The following ADAMTSL1 variants were observed in gnomAD, a reference collection of about 807,000 sequenced individuals.
The protein encoded by ADAMTSL1 is ADAMTS like 1.
In ADAMTSL1, 126 loss-of-function variants were observed where a neutral mutation model predicts 201.8. That is an observed-to-expected ratio of 0.62 (90% CI 0.54 to 0.72). The LOEUF is 0.72. Among genes scored for constraint, ADAMTSL1 ranks in the 30% least tolerant of loss-of-function variants. ADAMTSL1 has a pLI of 0.00. For missense variants in ADAMTSL1, 2,679 were observed against 2,277.8 expected (o/e 1.18, Z -3.59); for synonymous variants, 1,121 against 903.4 (o/e 1.24, Z -4.32).
chr9:18,892,713 G>A, intron 26 of ADAMTSL1, 117 bp downstream of exon 26: 5 of 1,230,800 alleles, frequency 4.1e-6, no homozygotes, highest in Non-Finnish European at 5.6e-6. Flanking sequence ...CATTCTGATT[G>A]GCCAGGCATA....
chr9:18,268,755 A>C (rs1187040144), intron 2 of ADAMTSL1, among the ~76,000 whole-genome samples: 1 of 152,192 alleles, frequency 6.6e-6, no homozygotes, highest in Non-Finnish European at 1.5e-5. Flanking sequence ...TTATTTCAAA[A>C]TAGCATATGG....
intron 2 of ADAMTSL1, among the ~76,000 whole-genome samples, chr9:18,289,159 AT>A (rs1237317404): frequency 1.6e-5 from 2 of 121,410 alleles, no homozygotes; most frequent in East Asian, 2.3e-4. Flanking sequence ...CTATCTATCT[AT>A]CTATCTATCT....
chr9:17,999,468 T>C lies in ADAMTSL1; in HGVS notation c.87+92546T>C, dbSNP rs116527915. 2.3e-3 allele frequency among the ~76,000 whole-genome samples: 350 copies of C among 152,196 alleles called. 3 individuals carry two copies. Among genetic ancestry groups the C allele is most frequent in the African/African-American group, 8.1e-3 (335 of 41,548 alleles). On this transcript the variant is annotated intron_variant, in intron 1 of 29. Coordinates refer to the ADAMTSL1 transcript ENST00000680146. ...GACTTTTGTTGGTCATTGTAGATTTTTGTTATACTTGCAATGAGAAAGATT... is the reference window on the plus strand; with the variant it reads ...GACTTTTGTTGGTCATTGTAGATTTCTGTTATACTTGCAATGAGAAAGATT...
intron 1 of ADAMTSL1, among the ~76,000 whole-genome samples, chr9:17,997,330 G>T (rs1410242568): frequency 6.6e-6 from 1 of 151,972 alleles, no homozygotes; most frequent in African/African-American, 2.4e-5. Context: ...ATTTTACAGT[G>T]CCCAGTTATC....
upstream of ADAMTSL1, among the ~76,000 whole-genome samples, chr9:18,469,815 T>C (rs900049766): frequency 1.3e-5 from 2 of 152,214 alleles, no homozygotes; most frequent in South Asian, 2.1e-4. Flanking sequence ...TTCCGAATTT[T>C]TGTAGTACTT....
rs1229289795 is a variant in ADAMTSL1, at chr9:18,818,313, C to A, written c.3934+1076C>A. ...TCTGCAGAGTAGATAGGCAGTGGCA[C>A]CCCCATGCTTTGGTGGTTGCTTCAT... On this transcript the variant is annotated intron_variant, in intron 21 of 28. Coordinates refer to ENST00000380548, the MANE Select transcript of ADAMTSL1 (RefSeq NM_001040272.6). 6.7e-4 allele frequency among the ~76,000 whole-genome samples: 4 copies of A among 5,992 alleles called. No homozygotes were observed. In the South Asian group the frequency reaches 0.016, roughly 24 times the overall value. 3.9% of individuals were successfully genotyped at this position (5,992 alleles called of 152,430 possible). A position where few individuals can be genotyped will look rare whatever the true frequency, so the allele number is the denominator to read the frequency against.
intron 3 of ADAMTSL1, among the ~76,000 whole-genome samples, chr9:18,559,228 T>C (rs909745226): frequency 6.6e-6 from 1 of 152,224 alleles, no homozygotes; most frequent in African/African-American, 2.4e-5. Flanking sequence ...TGCATATGGC[T>C]AGCCTGTTTT....
chr9:17,970,926 TTATG>T lies in ADAMTSL1; in HGVS notation c.87+64009_87+64012del, dbSNP rs533377291. ...GAGCACAGAAAAAGATTAATTGAAT[TTATG>T]TATGCAATCATAAACATGCTTTACT... On this transcript the variant is annotated intron_variant, in intron 1 of 29. Coordinates refer to the ADAMTSL1 transcript ENST00000680146. Among the ~76,000 whole-genome samples, 750 of 152,216 alleles carry T rather than the reference TTATG, an allele frequency of 4.9e-3. 6 individuals are homozygous for T. The highest frequency in any genetic ancestry group is 0.014 in the Middle Eastern group (4 of 294).
At chr9:18,584,062 G>T (rs905260489) in intron 4 of ADAMTSL1, among the ~76,000 whole-genome samples, 1 of 152,122 alleles carries the variant, frequency 6.6e-6, no homozygotes, top group Admixed American at 6.5e-5. Context: ...AAGGATGATT[G>T]TAATTTGCAA....
chr9:18,207,385 C>G (rs1285115509), intron 2 of ADAMTSL1, among the ~76,000 whole-genome samples: 2 of 152,118 alleles, frequency 1.3e-5, no homozygotes, highest in Non-Finnish European at 2.9e-5. Context: ...AAACCCTAAG[C>G]CTTAGGTTCA....
chr9:18,657,130 A>T (rs376980617), intron 7 of ADAMTSL1, among the ~76,000 whole-genome samples: 3 of 152,316 alleles, frequency 2.0e-5, no homozygotes, highest in East Asian at 1.9e-4. Flanking sequence ...CTAGTTGGTA[A>T]CTTCGCACAC....
intron 4 of ADAMTSL1, among the ~76,000 whole-genome samples, chr9:18,585,249 C>T (rs1823407370): frequency 6.6e-6 from 1 of 152,062 alleles, no homozygotes; most frequent in Admixed American, 6.6e-5. Flanking sequence ...GTTTCTATGG[C>T]TTAATAAAAA....
In ADAMTSL1 at chr9:18,362,572, A is replaced by C. The variant is rs181986180; in HGVS notation, c.208-142257A>C. On this transcript the variant is annotated intron_variant, in intron 2 of 29. Transcript: ENST00000680146. Reference sequence around the variant, plus strand: ...GCATTTTGCTGGCAGTTCACTCTGCATAAGATGAAATGTATAGATTCCAAA... The same window carrying C: ...GCATTTTGCTGGCAGTTCACTCTGCCTAAGATGAAATGTATAGATTCCAAA... Among the ~76,000 whole-genome samples the C allele has an allele frequency of 1.4e-3, 210 of 152,358 alleles. 1 individual carries two copies. Among genetic ancestry groups the C allele is most frequent in the Middle Eastern group, 3.4e-3 (1 of 294 alleles).
chr9:18,238,258 T>C (rs1034538845), intron 2 of ADAMTSL1, among the ~76,000 whole-genome samples: 2 of 152,210 alleles, frequency 1.3e-5, no homozygotes, highest in Non-Finnish European at 2.9e-5. Context: ...AACTGGGTCA[T>C]AGAAATACAG....
chr9:18,686,728 T>C (rs1830864482), intron 13 of ADAMTSL1, among the ~76,000 whole-genome samples: 1 of 152,208 alleles, frequency 6.6e-6, no homozygotes, highest in Admixed American at 6.5e-5. Flanking sequence ...TAATACAAAA[T>C]TGAAAGTAAA....
chr9:18,907,516 C>T (rs1271906548), intron 28 of ADAMTSL1: 1 of 152,412 alleles, frequency 6.6e-6, no homozygotes, highest in East Asian at 1.9e-4. Flanking sequence ...TTTTCTTCCT[C>T]TGAACCCAAA....
intron 2 of ADAMTSL1, among the ~76,000 whole-genome samples, chr9:18,524,900 C>T (rs1045679431): frequency 6.6e-6 from 1 of 152,048 alleles, no homozygotes; most frequent in Non-Finnish European, 1.5e-5. Flanking sequence ...GTCTAAAATT[C>T]TCTCTTTTTG....
intron 2 of ADAMTSL1, among the ~76,000 whole-genome samples, chr9:18,443,699 T>C (rs915152648): frequency 3.3e-5 from 5 of 152,216 alleles, no homozygotes; most frequent in African/African-American, 4.8e-5. Flanking sequence ...GTACTGACTT[T>C]TAGTTTCTCC....
Position 17,940,677 on chromosome 9 carries a change from ATACC to A in ADAMTSL1, c.87+33757_87+33760del, listed in dbSNP as rs2131345025. ...TTGTCTTTTTAATTTTATTATTATTATACCTTAACTTTTAGGGTACATGTGCATA... is the reference window on the plus strand; with the variant it reads ...TTGTCTTTTTAATTTTATTATTATTATTAACTTTTAGGGTACATGTGCATA... On this transcript the variant is annotated intron_variant, in intron 1 of 29. Coordinates refer to the ADAMTSL1 transcript ENST00000680146. Among the ~76,000 whole-genome samples, 4 of 147,354 alleles carry A rather than the reference ATACC, an allele frequency of 2.7e-5. 1 individual carries two copies. In the South Asian group the frequency reaches 8.6e-4, roughly 32 times the overall value.
Sources: allele counts gnomAD v4.1 joint callset (sites outside exome capture counted in the v4.1 genomes callset), GRCh38; gene constraint gnomAD v4.1.1; transcripts MANE v1.5; gene names NCBI Gene and HGNC (gene_info 2026-07-23, HGNC 2026-07-21).